Variants in SLC45A4 observed in about 807,000 individuals in gnomAD.
The protein encoded by SLC45A4 is solute carrier family 45 member 4, also known as polyamine-transporter SLC45A4.
Under a neutral mutation model 63.7 loss-of-function variants are expected in SLC45A4, and 32 were observed. The ratio of observed to expected loss-of-function variants is 0.50; its 90% confidence interval spans 0.38 to 0.67. SLC45A4 has a LOEUF of 0.67. Ranked by LOEUF, SLC45A4 falls within the 30% of genes least tolerant of loss-of-function variation. The probability of loss-of-function intolerance (pLI) is 0.00; values close to 1 mark genes in which losing one functional copy is unlikely to be tolerated. For missense variants in SLC45A4, 1,027 were observed against 1,157.7 expected (o/e 0.89, Z 1.64); for synonymous variants, 535 against 510.0 (o/e 1.05, Z -0.66).
chr8:141,274,006 G>A (rs771489611), intron 1 of SLC45A4, among the ~76,000 whole-genome samples: 1 of 152,044 alleles, frequency 6.6e-6, no homozygotes, highest in South Asian at 2.1e-4. Context: ...GAGGCGGGTG[G>A]ATCATGAGGT....
At chr8:141,228,602 A>T (rs1827171627) in intron 2 of SLC45A4, 2 of 1,124,880 alleles carry the variant, frequency 1.8e-6, no homozygotes, top group African/African-American at 3.2e-5. Flanking sequence ...CGGCTCTTTA[A>T]AACAGATGTT....
rs1156652848 is a variant in SLC45A4, at chr8:141,221,750, T to G, written c.257A>C (p.Tyr86Ser). The change falls in exon 3 of 9, where the codon TAC (tyrosine) becomes TCC (serine). Residue 86 changes from tyrosine (Y) to serine (S), a missense_variant. By Grantham distance (144) the Tyr-to-Ser change is moderately radical (BLOSUM62 -2). Coordinates refer to ENST00000517878, the MANE Select transcript of SLC45A4 (RefSeq NM_001286646.2). ...GCTCAGGAACCAGGTGAGGCTGTAG[T>G]ACTGCTCCGGAAGGCCTGCAAGGGA... is the stretch of plus-strand genomic sequence containing the variant. ...ILLQIGLPEQ[Y>S]YSLTWFLSPI... 6.2e-7 allele frequency: 1 copy of G among 1,613,660 alleles called. No individual in the cohort carries two copies. The highest frequency in any genetic ancestry group is 8.5e-7 in the Non-Finnish European group (1 of 1,180,002).
intron 2 of SLC45A4, among the ~76,000 whole-genome samples, chr8:141,240,644 T>G (rs1216497064): frequency 6.6e-6 from 1 of 151,892 alleles, no homozygotes; most frequent in Non-Finnish European, 1.5e-5. Context: ...GAGGTTGAGG[T>G]GAAAGGATCA....
chr8:141,286,475 C>T (rs1355964547), intron 1 of SLC45A4, among the ~76,000 whole-genome samples: 2 of 152,214 alleles, frequency 1.3e-5, no homozygotes, highest in Non-Finnish European at 2.9e-5. Context: ...ACACGCCCTA[C>T]TTAAACCACT....
chr8:141,217,910 C>T (rs1826268221), intron 5 of SLC45A4, 101 bp downstream of exon 5: 13 of 1,376,350 alleles, frequency 9.4e-6, no homozygotes, highest in South Asian at 1.4e-5. Flanking sequence ...CCCTGACACG[C>T]GTGGGCACGA....
intron 8 of SLC45A4, 51 bp downstream of exon 8, chr8:141,212,145 CG>C: frequency 1.0e-6 from 1 of 955,980 alleles, no homozygotes; most frequent in Non-Finnish European, 1.3e-6. Context: ...GCCGCCCGCC[CG>C]CCCGCCCACC....
chr8:141,212,914 G>C (rs1825926032), intron 7 of SLC45A4, among the ~76,000 whole-genome samples: 1 of 152,238 alleles, frequency 6.6e-6, no homozygotes, highest in Non-Finnish European at 1.5e-5. Context: ...GGGGCTGAGT[G>C]GGGAGGGGTG....
At chr8:141,285,985 C>T (rs1246241665) in intron 1 of SLC45A4, among the ~76,000 whole-genome samples, 1 of 152,174 alleles carries the variant, frequency 6.6e-6, no homozygotes, top group Non-Finnish European at 1.5e-5. Flanking sequence ...CTGCGGTTGC[C>T]TGGGGTGGGG....
chr8:141,300,878 A>G (rs1830720222), intron 1 of SLC45A4, among the ~76,000 whole-genome samples: 1 of 152,260 alleles, frequency 6.6e-6, no homozygotes, highest in African/African-American at 2.4e-5. Context: ...TAAATAGTAA[A>G]GCTTAACATG....
intron 1 of SLC45A4, among the ~76,000 whole-genome samples, chr8:141,283,005 G>A (rs1452302234): frequency 6.6e-6 from 1 of 152,244 alleles, no homozygotes; most frequent in Non-Finnish European, 1.5e-5. Context: ...TCCTGCCTGA[G>A]GCTCAGTGCC....
intron 1 of SLC45A4, among the ~76,000 whole-genome samples, chr8:141,292,434 G>GGAGCACAGAGCCCCGCAC (rs1830383386): frequency 6.6e-6 from 1 of 152,262 alleles, no homozygotes; most frequent in Non-Finnish European, 1.5e-5. Context: ...AGGAGGCCGT[G>GGAGCACAGAGCCCCGCAC]GAGCACAGAG....
intron 1 of SLC45A4, among the ~76,000 whole-genome samples, chr8:141,268,779 T>C (rs550056903): frequency 1.1e-4 from 17 of 152,286 alleles, no homozygotes; most frequent in South Asian, 4.1e-4. Flanking sequence ...TTGGGGAAGC[T>C]TTCTGTGCCA....
At chr8:141,277,108 C>T (rs1007538327) in intron 1 of SLC45A4, among the ~76,000 whole-genome samples, 6 of 152,214 alleles carry the variant, frequency 3.9e-5, no homozygotes, top group East Asian at 1.9e-4. Flanking sequence ...GAGCCCGCGC[C>T]GCCCTCTACA....
At chr8:141,292,039 C>A (rs1830366011) in intron 1 of SLC45A4, among the ~76,000 whole-genome samples, 1 of 152,244 alleles carries the variant, frequency 6.6e-6, no homozygotes, top group African/African-American at 2.4e-5. Flanking sequence ...CTCCTGCGTG[C>A]CTGGTGCTGG....
chr8:141,299,456 G>A (rs547549259), intron 1 of SLC45A4, among the ~76,000 whole-genome samples: 2 of 152,320 alleles, frequency 1.3e-5, no homozygotes, highest in African/African-American at 2.4e-5. Flanking sequence ...TCCATAACAA[G>A]ACCACCTGAG....
chr8:141,244,351 T>C (rs1202939710), intron 2 of SLC45A4, among the ~76,000 whole-genome samples: 1 of 152,210 alleles, frequency 6.6e-6, no homozygotes, highest in Admixed American at 6.5e-5. Flanking sequence ...GCTTCTGACC[T>C]GGGACAGGAG....
intron 2 of SLC45A4, among the ~76,000 whole-genome samples, chr8:141,236,862 G>A (rs13276184): frequency 0.21 from 32,524 of 152,174 alleles, 3,689 homozygotes; most frequent in East Asian, 0.4. Flanking sequence ...GGATGAGGGC[G>A]CGGAGGGCTG....
chr8:141,285,796 A>G (rs984071879), intron 1 of SLC45A4, among the ~76,000 whole-genome samples: 5 of 152,116 alleles, frequency 3.3e-5, no homozygotes, highest in Non-Finnish European at 5.9e-5. Flanking sequence ...ACCTGAACAC[A>G]TCCTTGGCTT....
At chr8:141,284,071 T>G (rs77828312) in intron 1 of SLC45A4, among the ~76,000 whole-genome samples, 4 of 152,344 alleles carry the variant, frequency 2.6e-5, no homozygotes, top group Middle Eastern at 3.4e-3. Flanking sequence ...CTGGCTTTCA[T>G]GTACACATTA....
Sources: allele counts gnomAD v4.1 joint callset (sites outside exome capture counted in the v4.1 genomes callset), GRCh38; gene constraint gnomAD v4.1.1; transcripts MANE v1.5; gene names NCBI Gene and HGNC (gene_info 2026-07-23, HGNC 2026-07-21).